The following GMNC variants were observed in gnomAD, a reference collection of about 807,000 sequenced individuals.
The protein encoded by GMNC is geminin coiled-coil domain-containing protein 1.
GMNC carries 16 observed loss-of-function variants against 33.6 expected under a neutral mutation model. The ratio of observed to expected loss-of-function variants is 0.48; its 90% confidence interval spans 0.32 to 0.72. The LOEUF (loss-of-function observed/expected upper bound fraction) is 0.72, where lower values mean the gene tolerates loss of function less well. Ranked by LOEUF, GMNC falls within the 30% of genes least tolerant of loss-of-function variation. GMNC has a pLI of 0.03. For missense variants in GMNC, 393 were observed against 388.9 expected (o/e 1.01, Z -0.09); for synonymous variants, 156 against 147.3 (o/e 1.06, Z -0.43).
chr3:190,855,106 G>A lies in GMNC; in HGVS notation c.*189C>T, dbSNP rs949871827. 2.0e-5 allele frequency: 12 copies of A among 607,982 alleles called. No individual in the cohort carries two copies. The highest frequency in any genetic ancestry group is 3.0e-5 in the Admixed American group (1 of 33,408). 37.7% of individuals were successfully genotyped at this position (607,982 alleles called of 1,614,324 possible). ...AGTCAAATTTAGGTAAAAGAAGCGC[G>A]GACACGTTTCATTATGGATTCTTGG... On this transcript the variant is annotated 3_prime_UTR_variant, in exon 5 of 5. Coordinates refer to ENST00000442080, the MANE Select transcript of GMNC (RefSeq NM_001146686.3).
At chr3:190,850,595 C>A (rs1737617982), downstream of GMNC, among the ~76,000 whole-genome samples, 1 of 152,220 alleles carries the variant, frequency 6.6e-6, no homozygotes, top group Admixed American at 6.5e-5. Flanking sequence ...AACCTGCCTG[C>A]AGGACTCTTT....
the GMNC span, among the ~76,000 whole-genome samples, chr3:190,844,517 A>AAT: frequency 0.16 from 24,348 of 151,500 alleles, 2,520 homozygotes; most frequent in African/African-American, 0.3. Context: ...TTCAGAATAC[A>AAT]ATGTTATCAA....
chr3:190,856,364 AATATTT>A (rs1737741747), intron 4 of GMNC, among the ~76,000 whole-genome samples: 1 of 141,942 alleles, frequency 7.0e-6, no homozygotes, highest in Non-Finnish European at 1.5e-5. Context: ...TATATTTATA[AATATTT>A]AGAAATAGAT....
In GMNC at chr3:190,861,609, G is replaced by C. The variant is rs1577914091; in HGVS notation, c.4-751C>G. On this transcript the variant is annotated intron_variant, in intron 1 of 4. Coordinates refer to ENST00000442080, the MANE Select transcript of GMNC (RefSeq NM_001146686.3). The surrounding 1 kb of genome is among the most constrained non-coding windows in gnomAD (Gnocchi z 5.1). The stretch of plus-strand genomic sequence containing the variant: ...GTATAATCAAAGCTGAAAGAAGTTC[G>C]TTAGCAAAGACAGCAAGCTCTAGTT... Among the ~76,000 whole-genome samples, 1 of 152,130 alleles carries C rather than the reference G, an allele frequency of 6.6e-6. No individual in the cohort carries two copies. Among genetic ancestry groups the C allele is most frequent in the Admixed American group, 6.5e-5 (1 of 15,280 alleles).
At chr3:190,844,669 C>A in the GMNC span, among the ~76,000 whole-genome samples, 1 of 151,866 alleles carries the variant, frequency 6.6e-6, no homozygotes, top group Non-Finnish European at 1.5e-5. Context: ...ATAAAAAAAT[C>A]TGCCCATGAT....
chr3:190,845,028 G>A, the GMNC span, among the ~76,000 whole-genome samples: 3 of 152,004 alleles, frequency 2.0e-5, no homozygotes, highest in Non-Finnish European at 4.4e-5. Flanking sequence ...TATTTACAAA[G>A]TAAACCACTC....
chr3:190,844,716 A>C, the GMNC span, among the ~76,000 whole-genome samples: 1 of 152,210 alleles, frequency 6.6e-6, no homozygotes, highest in African/African-American at 2.4e-5. Flanking sequence ...ACATTGCATC[A>C]GATTTCTAGA....
downstream of GMNC, among the ~76,000 whole-genome samples, chr3:190,849,281 G>T (rs991191928): frequency 2.6e-5 from 4 of 152,168 alleles, no homozygotes; most frequent in African/African-American, 9.7e-5. Context: ...AGATTCCTGG[G>T]GTGCACACAC....
chr3:190,851,625 C>G (rs1365183705), downstream of GMNC, among the ~76,000 whole-genome samples: 1 of 152,170 alleles, frequency 6.6e-6, no homozygotes, highest in Non-Finnish European at 1.5e-5. Context: ...TCAGCTGAGG[C>G]TATAGCTGTT....
Position 190,854,116 on chromosome 3 carries a change from T to A in GMNC, c.*1179A>T, listed in dbSNP as rs1406263880. 1 of 152,164 alleles carries A rather than the reference T, an allele frequency of 6.6e-6. No individual in the cohort carries two copies. 9.4% of individuals were successfully genotyped at this position (152,164 alleles called of 1,614,324 possible). On this transcript the variant is annotated 3_prime_UTR_variant, in exon 5 of 5. Transcript: ENST00000442080. ...TGCCTATCTAAAGACTTCTCTTTAG[T>A]TTCTTCAGTGACCTGAAACTGCCAT...
intron 4 of GMNC, among the ~76,000 whole-genome samples, chr3:190,856,211 TAAA>T (rs2108530657): frequency 1.4e-5 from 2 of 147,764 alleles, no homozygotes; most frequent in African/African-American, 4.9e-5. Context: ...CATTTGTAAA[TAAA>T]CTATCATTTA....
intron 4 of GMNC, 124 bp from the exon 5 acceptor site, chr3:190,856,039 A>G: frequency 1.4e-6 from 1 of 711,164 alleles, no homozygotes; most frequent in Non-Finnish European, 2.2e-6. Context: ...GCTTGTTTGT[A>G]AAGTAAAATC....
rs1737682707 is a variant in GMNC at position 190,854,125 on chromosome 3, T to C, written c.*1170A>G. 2 of 152,186 alleles carry C rather than the reference T, an allele frequency of 1.3e-5. No individual in the cohort carries two copies. The highest frequency in any genetic ancestry group is 2.9e-5 in the Non-Finnish European group (2 of 68,022). The allele number at this position is 152,186 out of a possible 1,614,324, so 9.4% of individuals were successfully genotyped here. On this transcript the variant is annotated 3_prime_UTR_variant, in exon 5 of 5. Transcript: ENST00000442080. The stretch of plus-strand genomic sequence containing the variant: ...AAAGACTTCTCTTTAGTTTCTTCAG[T>C]GACCTGAAACTGCCATGTTGGAGTA...
the GMNC span, among the ~76,000 whole-genome samples, chr3:190,845,282 T>G: frequency 6.6e-6 from 1 of 152,142 alleles, no homozygotes; most frequent in African/African-American, 2.4e-5. Context: ...ATGTAAGATT[T>G]TGCAACATGA....
chr3:190,855,980 G>C (rs1457592337), intron 4 of GMNC, 65 bp from the exon 5 acceptor site: 4 of 1,235,646 alleles, frequency 3.2e-6, no homozygotes, highest in Non-Finnish European at 3.3e-6. Flanking sequence ...AAATTATTTC[G>C]GAAAAAATGC....
rs1560035811 is a variant in GMNC, at chr3:190,854,096, A to G, written c.*1199T>C. 6.6e-6 allele frequency: 1 copy of G among 152,174 alleles called. No individual in the cohort carries two copies. Among genetic ancestry groups the G allele is most frequent in the Non-Finnish European group, 1.5e-5 (1 of 68,016 alleles). The allele number at this position is 152,174 out of a possible 1,614,324, so 9.4% of individuals were successfully genotyped here. ...ACCCTACCTAATACTTGCAGTGCCT[A>G]TCTAAAGACTTCTCTTTAGTTTCTT... On this transcript the variant is annotated 3_prime_UTR_variant, in exon 5 of 5. Transcript: ENST00000442080.
chr3:190,858,502 A>G (rs1737795415), intron 3 of GMNC, among the ~76,000 whole-genome samples: 1 of 152,220 alleles, frequency 6.6e-6, no homozygotes, highest in South Asian at 2.1e-4. Context: ...CAAAACTGAC[A>G]CAACATGTAA....
At position 190,853,299 on chromosome 3, in the gene GMNC, G is replaced by C. The variant is rs1190199626; in HGVS notation, c.*1996C>G. 1 of 152,036 alleles carries C rather than the reference G, an allele frequency of 6.6e-6. No individual in the cohort carries two copies. The highest frequency in any genetic ancestry group is 1.9e-4 in the East Asian group (1 of 5,190). 9.4% of individuals were successfully genotyped at this position (152,036 alleles called of 1,614,324 possible). ...CTTTCTCAATTCCTAGTGTCATAAA[G>C]TACAATAATTCGAATCCTTAAATCT... On this transcript the variant is annotated 3_prime_UTR_variant, in exon 5 of 5. Coordinates refer to ENST00000442080, the MANE Select transcript of GMNC (RefSeq NM_001146686.3).
chr3:190,857,636 A>G (rs1296336162), intron 4 of GMNC, 147 bp downstream of exon 4: 1 of 551,954 alleles, frequency 1.8e-6, no homozygotes, highest in East Asian at 2.8e-5. Context: ...AATTCTTGTG[A>G]AAGAGCCGTT....
Sources: allele counts gnomAD v4.1 joint callset (sites outside exome capture counted in the v4.1 genomes callset), GRCh38; gene constraint gnomAD v4.1.1; non-coding constraint Gnocchi (gnomAD v3.1); transcripts MANE v1.5; gene names NCBI Gene and HGNC (gene_info 2026-07-23, HGNC 2026-07-21).